Variants in SPTBN5 observed in about 807,000 individuals in gnomAD.
SPTBN5 encodes spectrin beta chain, non-erythrocytic 5.
SPTBN5 carries 513 observed loss-of-function variants against 477.6 expected under a neutral mutation model. That is an observed-to-expected ratio of 1.07 (90% CI 1.00 to 1.16). The LOEUF (loss-of-function observed/expected upper bound fraction) is 1.16, where lower values mean the gene tolerates loss of function less well. Among genes scored for constraint, SPTBN5 ranks in the 50% most tolerant of loss-of-function variants. The probability of loss-of-function intolerance (pLI) is 0.00; values close to 1 mark genes in which losing one functional copy is unlikely to be tolerated. For synonymous variants in SPTBN5, 2,169 were observed against 2,011.7 expected (o/e 1.08, Z -2.09); for missense variants, 5,062 against 4,731.8 (o/e 1.07, Z -2.05).
chr15:41,861,768 A>T lies in SPTBN5; in HGVS notation c.7704T>A (p.His2568Gln). 6.4e-7 allele frequency: 1 copy of T among 1,554,470 alleles called. No individual in the cohort carries two copies. The highest frequency in any genetic ancestry group is 8.7e-7 in the Non-Finnish European group (1 of 1,153,812). Residue 2568 changes from histidine (H) to glutamine (Q), a missense_variant, in exon 45 of 68, where the codon CAT becomes CAA. Physicochemically the swap from His to Gln is conservative, Grantham distance 24. Transcript: ENST00000320955. ...LSSLEGAWQE[H>Q]QLQLQQALEL... Reference sequence around the variant, plus strand: ...CCAGGGCCTGCTGCAGCTGTAGCTGATGCTCCTGCCAGGCCCCTTCCAGGC... The same window carrying T: ...CCAGGGCCTGCTGCAGCTGTAGCTGTTGCTCCTGCCAGGCCCCTTCCAGGC...
At chr15:41,877,393 A>G in intron 17 of SPTBN5, 37 bp from the exon 18 acceptor site, 2 of 1,588,264 alleles carry the variant, frequency 1.3e-6, no homozygotes, top group South Asian at 2.3e-5. Context: ...AAACCCCAGC[A>G]GGCTCCCTCG....
chr15:41,849,746 G>A, intron 67 of SPTBN5, 123 bp downstream of exon 67: 2 of 743,488 alleles, frequency 2.7e-6, no homozygotes, highest in Admixed American at 2.4e-5. Context: ...GGTTCCAATA[G>A]CATTTCCCTA....
chr15:41,849,002 G>C (rs3784282), intron 67 of SPTBN5, among the ~76,000 whole-genome samples: 33,336 of 152,182 alleles, frequency 0.22, 3,957 homozygotes, highest in African/African-American at 0.3. Flanking sequence ...ACTGGGAGCA[G>C]ATGGTTACAC....
chr15:41,853,529 T>C, intron 58 of SPTBN5, 53 bp downstream of exon 58: 1 of 1,541,046 alleles, frequency 6.5e-7, no homozygotes, highest in South Asian at 1.2e-5. Context: ...AGAGCCAGGA[T>C]ACCCCCACCC....
chr15:41,855,654 A>C lies in SPTBN5; in HGVS notation c.9113T>G (p.Leu3038Arg), dbSNP rs1237876210. The C allele has an allele frequency of 1.2e-6, 2 of 1,608,192 alleles. No homozygotes were observed. The highest frequency in any genetic ancestry group is 2.7e-5 in the African/African-American group (2 of 74,902). ...TCTCTTGGTGGCCTCCAGCCGCCGC[A>C]GAAGGGCCTGTGTGGCTTCAGCACT... ...GHSAEATQAL[L>R]RRLEATKRDL... Residue 3038 changes from leucine (L) to arginine (R), a missense_variant, in exon 54 of 68, where the codon CTG (leucine) becomes CGG (arginine). Transcript: ENST00000320955.
At position 41,887,921 on chromosome 15, in the gene SPTBN5, G is replaced by A; in HGVS notation, c.659+7C>T. 6.2e-7 allele frequency: 1 copy of A among 1,607,850 alleles called. No homozygotes were observed. Among genetic ancestry groups the A allele is most frequent in the Non-Finnish European group, 8.5e-7 (1 of 1,177,538 alleles). On this transcript the variant is annotated splice_region_variant and intron_variant, in intron 5 of 67. Coordinates refer to ENST00000320955, the MANE Select transcript of SPTBN5 (RefSeq NM_016642.4). ...GCAGAGGCCTCCTGACAAGGGTGGG[G>A]TCACACCTGTGGGCATGGATGAGGG...
intron 4 of SPTBN5, among the ~76,000 whole-genome samples, chr15:41,889,198 C>T (rs1233618937): frequency 6.6e-6 from 1 of 152,182 alleles, no homozygotes; most frequent in African/African-American, 2.4e-5. Flanking sequence ...TTCATCCGTC[C>T]CTTCAGCCTT....
At chr15:41,859,293 G>A (rs1296227590) in intron 47 of SPTBN5, among the ~76,000 whole-genome samples, 1 of 152,136 alleles carries the variant, frequency 6.6e-6, no homozygotes, top group Non-Finnish European at 1.5e-5. Context: ...CGAGTAGCTA[G>A]GACTATAGGC....
intron 22 of SPTBN5, 77 bp downstream of exon 22, chr15:41,875,381 A>C: frequency 6.7e-7 from 1 of 1,485,884 alleles, no homozygotes; most frequent in Middle Eastern, 1.8e-4. Context: ...GAACACCCAG[A>C]CTTCTCCCTC....
chr15:41,893,226 G>A, intron 2 of SPTBN5, 56 bp downstream of exon 2: 1 of 1,609,346 alleles, frequency 6.2e-7, no homozygotes, highest in Non-Finnish European at 8.5e-7. Flanking sequence ...AGGCCCACTG[G>A]CCAGAGCTGG....
In SPTBN5 at chr15:41,857,627, A is replaced by C; in HGVS notation, c.8310T>G (p.Gly2770=). Residue 2770 remains glycine, a synonymous_variant, in exon 50 of 68, where the codon GGT becomes GGG. Transcript: ENST00000320955. The stretch of plus-strand genomic sequence containing the variant: ...TCTTCTGGGAGTTGTCTTGCAGCTC[A>C]CCCCAGAGTGCTCCCAGCTCCTCCA... The part of the protein sequence containing the change: ...ERLEELGALW[G]ELQDNSQKKV... The C allele has an allele frequency of 6.2e-7, 1 of 1,603,768 alleles. No homozygotes were observed. The highest frequency in any genetic ancestry group is 1.3e-5 in the African/African-American group (1 of 74,892).
chr15:41,875,189 C>T (rs969917153), intron 22 of SPTBN5, 133 bp from the exon 23 acceptor site: 10 of 946,064 alleles, frequency 1.1e-5, no homozygotes, highest in African/African-American at 6.6e-5. Context: ...TGCCAACCCT[C>T]GGCCAGAAGT....
chr15:41,859,599 G>T (rs999420135), intron 47 of SPTBN5, among the ~76,000 whole-genome samples: 8 of 152,142 alleles, frequency 5.3e-5, no homozygotes, highest in Non-Finnish European at 1.2e-4. Flanking sequence ...GAGGCAACTG[G>T]GGCAGACACA....
Position 41,886,502 on chromosome 15 carries a change from C to T in SPTBN5, c.889-136G>A. The T allele has an allele frequency of 3.9e-6, 4 of 1,018,406 alleles. No individual in the cohort carries two copies. In the South Asian group the frequency reaches 6.9e-5, roughly 18 times the overall value. 63.1% of individuals were successfully genotyped at this position (1,018,406 alleles called of 1,614,324 possible). A position where few individuals can be genotyped will look rare whatever the true frequency, so the allele number is the denominator to read the frequency against. On this transcript the variant is annotated intron_variant, in intron 6 of 67. Coordinates refer to ENST00000320955, the MANE Select transcript of SPTBN5 (RefSeq NM_016642.4). ...AAAGATGCTTTGAAGTGGTGGTACC[C>T]CCACCCCAGAGAACTGGGTTTGCTT...
intron 13 of SPTBN5, among the ~76,000 whole-genome samples, chr15:41,880,612 C>T (rs536394650): frequency 1.3e-5 from 2 of 152,250 alleles, no homozygotes; most frequent in South Asian, 2.1e-4. Flanking sequence ...AAATCCACGC[C>T]GCTCCCTCTG....
In SPTBN5 at chr15:41,862,648, C is replaced by A; in HGVS notation, c.7276G>T (p.Glu2426Ter). Residue 2426 changes from glutamate to a stop codon, truncating the protein, a stop_gained, in exon 43 of 68, where the codon GAA (glutamate) becomes TAA (stop). Transcript: ENST00000320955. LOFTEE classifies it high-confidence loss of function. ...CTTCTTTGGCAGAGGCGGCCCACTT[C>A]ACGCTCTAGGGACTGCGGGGGAAGC... ...IQAQVESLER[E>*]VGRLCQRSPE... The A allele has an allele frequency of 6.4e-7, 1 of 1,553,980 alleles. No homozygotes were observed.
chr15:41,891,823 C>T (rs1481200773), intron 3 of SPTBN5, among the ~76,000 whole-genome samples: 1 of 152,152 alleles, frequency 6.6e-6, no homozygotes, highest in East Asian at 1.9e-4. Flanking sequence ...GCAACTCCGT[C>T]ATCCTTTCTA....
At chr15:41,866,906 A>G in intron 36 of SPTBN5, 53 bp downstream of exon 36, 1 of 1,505,130 alleles carries the variant, frequency 6.6e-7, no homozygotes, top group South Asian at 1.3e-5. Flanking sequence ...GGCGGCTGAA[A>G]ACTGTCGAGT....
chr15:41,887,128 G>A (rs553204986), intron 6 of SPTBN5, 85 bp downstream of exon 6: 1 of 1,270,412 alleles, frequency 7.9e-7, no homozygotes, highest in South Asian at 1.3e-5. Context: ...AGGCCACACA[G>A]CTAGTACGTG....
Sources: allele counts gnomAD v4.1 joint callset (sites outside exome capture counted in the v4.1 genomes callset), GRCh38; gene constraint gnomAD v4.1.1; transcripts MANE v1.5; gene names NCBI Gene and HGNC (gene_info 2026-07-23, HGNC 2026-07-21).